PDSS2: variants seen among roughly 807,000 people sequenced by gnomAD.
PDSS2 encodes decaprenyl diphosphate synthase subunit 2.
PDSS2 carries 31 observed loss-of-function variants against 44.5 expected under a neutral mutation model. The observed-to-expected ratio is 0.70, with a 90% CI of 0.52 to 0.94. The LOEUF (loss-of-function observed/expected upper bound fraction) is 0.94, where lower values mean the gene tolerates loss of function less well. Among genes scored for constraint, PDSS2 ranks in the 40% least tolerant of loss-of-function variants. PDSS2 has a pLI of 0.00. For missense variants in PDSS2, 452 were observed against 482.2 expected, an observed-to-expected ratio of 0.94 and a Z score of 0.59; for synonymous variants, 157 against 180.3, an observed-to-expected ratio of 0.87 and a Z score of 1.03.
At chr6:107,206,822 G>A (rs1227950886) in intron 6 of PDSS2, among the ~76,000 whole-genome samples, 2 of 152,168 alleles carry the variant, frequency 1.3e-5, no homozygotes, top group East Asian at 3.9e-4. Flanking sequence ...GGTCCTCTGT[G>A]GGCCATTTCT....
intron 7 of PDSS2, among the ~76,000 whole-genome samples, chr6:107,188,913 AT>A (rs955962072): frequency 2.4e-4 from 37 of 151,808 alleles, no homozygotes; most frequent in Non-Finnish European, 4.0e-4. Context: ...TTTCTTTTTC[AT>A]TTTTTTTGAG....
chr6:107,240,405 T>G (rs2114779182), intron 4 of PDSS2, among the ~76,000 whole-genome samples: 1 of 150,928 alleles, frequency 6.6e-6, no homozygotes, highest in South Asian at 2.1e-4. Context: ...TACCTTTTTT[T>G]TTTTTTTTTT....
intron 1 of PDSS2, among the ~76,000 whole-genome samples, chr6:107,403,650 C>T (rs1054452489): frequency 1.3e-5 from 2 of 152,242 alleles, no homozygotes; most frequent in Non-Finnish European, 2.9e-5. Flanking sequence ...ACAGGACCAA[C>T]ACCACATGGA....
chr6:107,252,183 T>C (rs1774844203), intron 3 of PDSS2, among the ~76,000 whole-genome samples: 1 of 152,250 alleles, frequency 6.6e-6, no homozygotes, highest in Middle Eastern at 3.4e-3. Context: ...TGCATGCTGA[T>C]TAAAATAAAT....
At chr6:107,285,414 G>A (rs1415397930) in intron 2 of PDSS2, among the ~76,000 whole-genome samples, 2 of 152,068 alleles carry the variant, frequency 1.3e-5, no homozygotes, top group African/African-American at 4.8e-5. Context: ...GGAGGCTGAG[G>A]CAGGAGGATT....
chr6:107,377,975 ATG>A (rs575518987), intron 1 of PDSS2, among the ~76,000 whole-genome samples: 22 of 151,888 alleles, frequency 1.4e-4, no homozygotes, highest in Admixed American at 4.6e-4. Context: ...AGCATGGCAC[ATG>A]TGTACATATG....
intron 1 of PDSS2, among the ~76,000 whole-genome samples, chr6:107,384,712 T>C (rs1297519927): frequency 1.3e-5 from 2 of 151,878 alleles, no homozygotes; most frequent in Non-Finnish European, 2.9e-5. Context: ...GTGAATTTTA[T>C]GGTATGTAAA....
intron 2 of PDSS2, among the ~76,000 whole-genome samples, chr6:107,320,269 A>G (rs1777341607): frequency 6.6e-6 from 1 of 152,180 alleles, no homozygotes; most frequent in African/African-American, 2.4e-5. Flanking sequence ...AAAATCCATT[A>G]CATCATTATT....
At chr6:107,232,936 C>A (rs1428465705) in intron 4 of PDSS2, among the ~76,000 whole-genome samples, 1 of 151,878 alleles carries the variant, frequency 6.6e-6, no homozygotes, top group Non-Finnish European at 1.5e-5. Flanking sequence ...ACCCCCTGGG[C>A]TCAGCCTCCC....
At chr6:107,445,926 TTCTC>T (rs959855434) in intron 1 of PDSS2, among the ~76,000 whole-genome samples, 3 of 152,140 alleles carry the variant, frequency 2.0e-5, no homozygotes, top group African/African-American at 4.8e-5. Flanking sequence ...TTCTTTCTCT[TTCTC>T]TCTCTGTCTC....
At chr6:107,171,650 A>G (rs1771581777) in intron 7 of PDSS2, among the ~76,000 whole-genome samples, 1 of 152,110 alleles carries the variant, frequency 6.6e-6, no homozygotes, top group African/African-American at 2.4e-5. Flanking sequence ...AGCTAGGGCT[A>G]TAGGCATGCA....
chr6:107,250,961 T>A (rs955236117), intron 3 of PDSS2, among the ~76,000 whole-genome samples: 1 of 152,120 alleles, frequency 6.6e-6, no homozygotes, highest in African/African-American at 2.4e-5. Flanking sequence ...GTTCAAGTGA[T>A]TCTCCTGCCT....
At chr6:107,338,135 C>T (rs889186276) in intron 1 of PDSS2, among the ~76,000 whole-genome samples, 1 of 152,052 alleles carries the variant, frequency 6.6e-6, no homozygotes, top group Non-Finnish European at 1.5e-5. Flanking sequence ...AAATTTAGCT[C>T]ACAACCAAAA....
chr6:107,237,777 T>A (rs1318141825), intron 4 of PDSS2, among the ~76,000 whole-genome samples: 2 of 151,434 alleles, frequency 1.3e-5, no homozygotes, highest in Non-Finnish European at 2.9e-5. Flanking sequence ...ATGCCTGTAG[T>A]TCCAGCTACT....
In PDSS2 at chr6:107,166,541, T is replaced by A. The variant is rs1413850079; in HGVS notation, c.1042-11764A>T. 2.2e-4 allele frequency among the ~76,000 whole-genome samples: 33 copies of A among 152,152 alleles called. No individual in the cohort carries two copies. The South Asian group carries it at 3.8e-3, about 17-fold the overall frequency. ...CACCACGCCTGGCTATTTTTTTGTA[T>A]TTTTAGTAGAGACGGGGTTTCACCG... On this transcript the variant is annotated intron_variant, in intron 7 of 7. Transcript: ENST00000369037.
intron 1 of PDSS2, among the ~76,000 whole-genome samples, chr6:107,413,372 C>T (rs530641464): frequency 6.6e-6 from 1 of 152,206 alleles, no homozygotes; most frequent in East Asian, 1.9e-4. Flanking sequence ...CAAGACTCTA[C>T]AAAAAATAAG....
At chr6:107,288,721 G>A (rs1243106657) in intron 2 of PDSS2, among the ~76,000 whole-genome samples, 1 of 150,646 alleles carries the variant, frequency 6.6e-6, no homozygotes, top group Non-Finnish European at 1.5e-5. Flanking sequence ...TTAAGGAGGG[G>A]CTGGACAATA....
In PDSS2 at chr6:107,370,683, C is replaced by T. The variant is rs574611612; in HGVS notation, c.297-36351G>A. The stretch of plus-strand genomic sequence containing the variant: ...ATTCAAGTATCAATTTTATTCTTTT[C>T]CCATTTAGCAGACATCAATTCTAGA... On this transcript the variant is annotated intron_variant, in intron 1 of 7. Transcript: ENST00000369037. 1.5e-3 allele frequency among the ~76,000 whole-genome samples: 223 copies of T among 151,694 alleles called. 1 individual carries two copies. The highest frequency in any genetic ancestry group is 3.1e-3 in the Admixed American group (47 of 15,260).
chr6:107,250,086 G>A (rs565398962), intron 3 of PDSS2, among the ~76,000 whole-genome samples: 1 of 152,044 alleles, frequency 6.6e-6, no homozygotes, highest in South Asian at 2.1e-4. Context: ...CCCTCACAAA[G>A]GATATTGTGA....
Sources: gnomAD v4.1 joint callset for allele counts (sites outside exome capture counted in the v4.1 genomes callset) on GRCh38, gnomAD v4.1.1 for gene constraint, MANE v1.5 for transcripts, NCBI Gene and HGNC (gene_info 2026-07-23, HGNC 2026-07-21) for gene names.